SP1: variants seen among roughly 807,000 people sequenced by gnomAD.
SP1 encodes the protein transcription factor Sp1.
A neutral mutation model predicts 66.3 loss-of-function variants in SP1; 6 were observed. The ratio of observed to expected loss-of-function variants is 0.09; its 90% CI spans 0.05 to 0.18. The LOEUF is 0.18. Ranked by LOEUF, SP1 falls within the 10% of genes least tolerant of loss-of-function variation. The pLI, the probability that SP1 is intolerant of heterozygous loss-of-function variation, is 1.00. For synonymous variants in SP1, 417 were observed against 360.8 expected (o/e 1.16, Z -1.77); for missense variants, 848 against 964.5 (o/e 0.88, Z 1.60).
intron 5 of SP1, 34 bp from the exon 6 acceptor site, chr12:53,410,893 A>G (rs898210746): frequency 3.3e-6 from 5 of 1,531,474 alleles, no homozygotes; most frequent in African/African-American, 1.4e-5. Flanking sequence ...ACTTCCTAAC[A>G]TGTCAGCTTC....
At chr12:53,384,649 C>A (rs146812603) in intron 3 of SP1, among the ~76,000 whole-genome samples, 38 of 152,270 alleles carry the variant, frequency 2.5e-4, no homozygotes, top group Admixed American at 1.6e-3. Context: ...ATTCTTAGCT[C>A]TAAGGCCTTC....
At chr12:53,381,589 C>T (rs1592553180) in intron 1 of SP1, 70 bp from the exon 2 acceptor site, 2 of 1,408,816 alleles carry the variant, frequency 1.4e-6, no homozygotes, top group Non-Finnish European at 1.9e-6. Flanking sequence ...ATCATAGCCT[C>T]CTTTTATCCT....
At chr12:53,383,903 T>C (rs900092080) in intron 3 of SP1, among the ~76,000 whole-genome samples, 5 of 152,200 alleles carry the variant, frequency 3.3e-5, no homozygotes, top group Admixed American at 6.5e-5. Context: ...TGACAAGCTT[T>C]CTGTAAAGGG....
chr12:53,380,946 CT>C (rs35296566), intron 1 of SP1, among the ~76,000 whole-genome samples: 673 of 100,756 alleles, frequency 6.7e-3, no homozygotes, highest in African/African-American at 0.028. Flanking sequence ...TTTTGTTTGT[CT>C]TTTTTTTTTT....
chr12:53,412,793 A>G lies in SP1; in HGVS notation c.*1553A>G, dbSNP rs1401231766. On this transcript the variant is annotated 3_prime_UTR_variant, in exon 6 of 6. Transcript: ENST00000327443. The stretch of plus-strand genomic sequence containing the variant: ...GATCCAAAAATTATAACGGCAGGGA[A>G]CCTAGTGCATTTGGCACTGAGATTT... 1 of 152,594 alleles carries G rather than the reference A, an allele frequency of 6.6e-6. No homozygotes were observed. The highest frequency in any genetic ancestry group is 1.9e-4 in the East Asian group (1 of 5,200). The allele number at this position is 152,594 out of a possible 1,614,324, so 9.5% of individuals were successfully genotyped here. A position where few individuals can be genotyped will look rare whatever the true frequency, so the allele number is the denominator to read the frequency against.
intron 3 of SP1, among the ~76,000 whole-genome samples, chr12:53,391,218 G>A (rs1034429650): frequency 7.9e-5 from 12 of 151,714 alleles, no homozygotes; most frequent in African/African-American, 2.9e-4. Flanking sequence ...TGCAGGGCCT[G>A]GTATGCTAAA....
chr12:53,411,277 C>T lies in SP1; in HGVS notation c.*37C>T. On this transcript the variant is annotated 3_prime_UTR_variant, in exon 6 of 6. Transcript: ENST00000327443. The stretch of plus-strand genomic sequence containing the variant: ...CGGGGCCAGAGACATATGGGCCATA[C>T]CCCTTAACCCCGGGATGCAAGGTAG... 28 of 1,534,890 alleles carry T rather than the reference C, an allele frequency of 1.8e-5. No homozygotes were observed. Among genetic ancestry groups the T allele is most frequent in the Non-Finnish European group, 2.5e-5 (28 of 1,125,544 alleles).
In SP1 at chr12:53,381,807, A is replaced by G. The variant is rs1336536725; in HGVS notation, c.156A>G (p.Gly52=). ...GCAGTAGCAGCAGCACTGGAGGAGG[A>G]GGGCAGGTAAGTGATAATCATAGAG... ...STGSSSSTGG[G]GQESQPSPLA... Residue 52 remains glycine (G), a synonymous_variant, in exon 2 of 6, where the codon GGA becomes GGG. Coordinates refer to ENST00000327443, the MANE Select transcript of SP1 (RefSeq NM_138473.3). The G allele has an allele frequency of 1.2e-6, 2 of 1,611,976 alleles. No homozygotes were observed. The highest frequency in any genetic ancestry group is 3.4e-5 in the Admixed American group (2 of 59,310).
In SP1 at chr12:53,411,940, C is replaced by G. The variant is rs1482241947; in HGVS notation, c.*700C>G. ...TTGTTTGGGATCAGCTTCTTGCACT[C>G]CTTCCCTAACTCAACTGTTGCCGTC... On this transcript the variant is annotated 3_prime_UTR_variant, in exon 6 of 6. Transcript: ENST00000327443. The G allele has an allele frequency of 6.6e-6, 1 of 152,300 alleles. No individual in the cohort carries two copies. The highest frequency in any genetic ancestry group is 1.5e-5 in the Non-Finnish European group (1 of 68,046). The allele number at this position is 152,300 out of a possible 1,614,324, so 9.4% of individuals were successfully genotyped here.
chr12:53,401,524 C>CT (rs34761089), intron 3 of SP1, among the ~76,000 whole-genome samples: 6,914 of 148,770 alleles, frequency 0.046, 212 homozygotes, highest in Non-Finnish European at 0.075. Context: ...AGCAATGATA[C>CT]TGGCAAGACA....
At chr12:53,407,206 A>G (rs1938761273) in intron 4 of SP1, among the ~76,000 whole-genome samples, 1 of 151,404 alleles carries the variant, frequency 6.6e-6, no homozygotes, top group Non-Finnish European at 1.5e-5. Context: ...AGATAGGAGG[A>G]TCACTTCAGC....
At chr12:53,380,943 TG>T (rs1938080881) in intron 1 of SP1, among the ~76,000 whole-genome samples, 3 of 144,442 alleles carry the variant, frequency 2.1e-5, no homozygotes, top group African/African-American at 8.2e-5. Context: ...GATTTTTGTT[TG>T]TCTTTTTTTT....
chr12:53,398,331 G>A (rs1938534733), intron 3 of SP1, among the ~76,000 whole-genome samples: 7 of 152,124 alleles, frequency 4.6e-5, no homozygotes, highest in Non-Finnish European at 1.0e-4. Context: ...CTCCCAGGCT[G>A]GAGTGCAGTG....
chr12:53,390,780 G>A (rs1938331126), intron 3 of SP1, among the ~76,000 whole-genome samples: 1 of 152,270 alleles, frequency 6.6e-6, no homozygotes, highest in South Asian at 2.1e-4. Context: ...TCATTCCAGT[G>A]GCTTTCTCTT....
rs1445849410 is a variant in SP1 at position 53,412,333 on chromosome 12, A to G, written c.*1093A>G. 6.6e-6 allele frequency: 1 copy of G among 152,660 alleles called. No individual in the cohort carries two copies. Among genetic ancestry groups the G allele is most frequent in the African/African-American group, 2.4e-5 (1 of 41,468 alleles). The allele number at this position is 152,660 out of a possible 1,614,324, so 9.5% of individuals were successfully genotyped here. Reference sequence around the variant, plus strand: ...ACTAGGAAAATCATGTGCTCAGAAGAGGAAATGACTCGTAGTCAGGTTCAG... The same window carrying G: ...ACTAGGAAAATCATGTGCTCAGAAGGGGAAATGACTCGTAGTCAGGTTCAG... On this transcript the variant is annotated 3_prime_UTR_variant, in exon 6 of 6. Transcript: ENST00000327443.
intron 3 of SP1, among the ~76,000 whole-genome samples, chr12:53,391,155 T>G (rs1039437229): frequency 5.9e-5 from 9 of 152,166 alleles, no homozygotes; most frequent in Non-Finnish European, 1.0e-4. Context: ...TCATATTTCT[T>G]ACAGAAAGTG....
chr12:53,388,029 T>G (rs1938268907), intron 3 of SP1, among the ~76,000 whole-genome samples: 1 of 152,110 alleles, frequency 6.6e-6, no homozygotes, highest in African/African-American at 2.4e-5. Context: ...GATTTAAGAT[T>G]TAATGCTCTA....
intron 3 of SP1, among the ~76,000 whole-genome samples, chr12:53,391,937 C>T (rs1258043360): frequency 1.3e-5 from 2 of 151,888 alleles, no homozygotes; most frequent in Non-Finnish European, 2.9e-5. Flanking sequence ...TGATTTCATT[C>T]TTTTTTATGG....
intron 3 of SP1, among the ~76,000 whole-genome samples, chr12:53,398,322 T>G (rs1313623514): frequency 1.3e-5 from 2 of 152,094 alleles, no homozygotes; most frequent in Non-Finnish European, 2.9e-5. Context: ...TCGCTCTGTC[T>G]CCCAGGCTGG....
Sources: allele counts gnomAD v4.1 joint callset (sites outside exome capture counted in the v4.1 genomes callset), GRCh38; gene constraint gnomAD v4.1.1; transcripts MANE v1.5; gene names NCBI Gene and HGNC (gene_info 2026-07-23, HGNC 2026-07-21).